Variants in SLC9A1 observed in about 807,000 individuals in gnomAD.
SLC9A1 encodes the protein solute carrier family 9 member A1.
In SLC9A1, 22 loss-of-function variants were observed where a neutral mutation model predicts 67.9. The observed-to-expected ratio is 0.32, with a 90% CI of 0.23 to 0.46. SLC9A1 has a LOEUF of 0.46. SLC9A1 is among the 20% of genes least tolerant of loss of function. The probability of loss-of-function intolerance (pLI) is 1.00; values close to 1 mark genes in which losing one functional copy is unlikely to be tolerated. For missense variants in SLC9A1, 686 were observed against 1,094.8 expected (o/e 0.63, Z 5.27); for synonymous variants, 421 against 471.8 (o/e 0.89, Z 1.40).
chr1:27,114,222 C>T lies in SLC9A1; in HGVS notation c.417G>A (p.Gly139=). Residue 139 remains glycine (G), a synonymous_variant, in exon 2 of 12, where the codon GGG becomes GGA. Transcript: ENST00000263980. This position sits in a 1 kb window ranked among gnomAD's most constrained non-coding sequence, Gnocchi z 5.4. Reference sequence around the variant, plus strand: ...CCTTGATCAGGCCCCCCACCAGCAGCCCCACCACGATCAGCAGGCAGCTCT... The same window carrying T: ...CCTTGATCAGGCCCCCCACCAGCAGTCCCACCACGATCAGCAGGCAGCTCT... The part of the protein sequence containing the change: ...VPESCLLIVV[G]LLVGGLIKGV... The T allele has an allele frequency of 6.2e-7, 1 of 1,614,014 alleles. No homozygotes were observed. Among genetic ancestry groups the T allele is most frequent in the Non-Finnish European group, 8.5e-7 (1 of 1,179,914 alleles).
chr1:27,135,143 GAGCTCA>G (rs367692270), intron 1 of SLC9A1, among the ~76,000 whole-genome samples: 63 of 151,170 alleles, frequency 4.2e-4, no homozygotes, highest in African/African-American at 1.4e-3. Flanking sequence ...TCGACCTCTT[GAGCTCA>G]AGCAATCCTC....
At chr1:27,120,143 TTTTGTTTTGG>T (rs2083295471) in intron 1 of SLC9A1, among the ~76,000 whole-genome samples, 2 of 151,612 alleles carry the variant, frequency 1.3e-5, no homozygotes, top group South Asian at 4.2e-4. Flanking sequence ...TTTTGTTTTG[TTTTGTTTTGG>T]GGGGGCGGAG....
intron 1 of SLC9A1, among the ~76,000 whole-genome samples, chr1:27,129,748 G>A (rs2083372277): frequency 6.6e-6 from 1 of 152,154 alleles, no homozygotes; most frequent in Non-Finnish European, 1.5e-5. Flanking sequence ...TCCTTGCTTG[G>A]AACATGGTGC....
At chr1:27,149,057 A>G (rs1198770323) in intron 1 of SLC9A1, among the ~76,000 whole-genome samples, 1 of 152,130 alleles carries the variant, frequency 6.6e-6, no homozygotes, top group Non-Finnish European at 1.5e-5. Context: ...ATCCAAGAAG[A>G]CTCACAAAAA....
intron 1 of SLC9A1, among the ~76,000 whole-genome samples, chr1:27,125,538 G>A (rs1040351764): frequency 6.6e-6 from 1 of 151,252 alleles, no homozygotes; most frequent in East Asian, 1.9e-4. Flanking sequence ...GAGCCACTGC[G>A]CCCAGCCCAC....
At chr1:27,138,316 C>T (rs2083432449) in intron 1 of SLC9A1, among the ~76,000 whole-genome samples, 1 of 152,258 alleles carries the variant, frequency 6.6e-6, no homozygotes, top group Non-Finnish European at 1.5e-5. Context: ...TCAGCTCAGA[C>T]ACCAGCTCCT....
chr1:27,139,475 G>A (rs982571667), intron 1 of SLC9A1, among the ~76,000 whole-genome samples: 5 of 152,210 alleles, frequency 3.3e-5, no homozygotes, highest in Non-Finnish European at 7.3e-5. Context: ...AGTGCAGAAG[G>A]CAATGATGCA....
At chr1:27,113,489 G>A (rs980648522) in intron 2 of SLC9A1, among the ~76,000 whole-genome samples, 15 of 152,088 alleles carry the variant, frequency 9.9e-5, no homozygotes, top group African/African-American at 3.6e-4. Flanking sequence ...GTCAAGGAGG[G>A]AGCATATAAC....
At position 27,119,949 on chromosome 1, in the gene SLC9A1, T is replaced by C. The variant is rs373824203; in HGVS notation, c.353-5663A>G. Among the ~76,000 whole-genome samples the C allele has an allele frequency of 5.3e-5, 8 of 152,092 alleles. No homozygotes were observed. The East Asian group carries it at 1.2e-3, about 22-fold the overall frequency. ...TAAAGACTTCATGAAATCCTTCCTA[T>C]CTTCAAAGGCTGCCCTCTCCAGGAA... On this transcript the variant is annotated intron_variant, in intron 1 of 11. Transcript: ENST00000263980.
chr1:27,138,213 C>T (rs766475739), intron 1 of SLC9A1, among the ~76,000 whole-genome samples: 6 of 152,338 alleles, frequency 3.9e-5, no homozygotes, highest in Non-Finnish European at 8.8e-5. Flanking sequence ...TCACACCATG[C>T]TTCCCCTCTT....
Position 27,109,627 on chromosome 1 carries a change from ATCGGGAGGTGAAGGC to A in SLC9A1, c.949_963del (p.Ala317_Arg321del). On this transcript the variant is annotated inframe_deletion, in exon 3 of 12. Transcript: ENST00000263980. The surrounding 1 kb of genome is among the most constrained non-coding windows in gnomAD (Gnocchi z 5.5). ...TCGATGACCCGGATGTGGGAGGTAA[ATCGGGAGGTGAAGGC>A]TGCGATGACCCCGTAGACCACGCCC... The A allele has an allele frequency of 6.2e-7, 1 of 1,613,858 alleles. No homozygotes were observed. Among genetic ancestry groups the A allele is most frequent in the Non-Finnish European group, 8.5e-7 (1 of 1,179,978 alleles).
intron 2 of SLC9A1, among the ~76,000 whole-genome samples, chr1:27,112,815 C>T (rs929664263): frequency 3.7e-5 from 5 of 135,504 alleles, no homozygotes; most frequent in East Asian, 2.3e-4. Context: ...ACCTGGGAGG[C>T]GGAGGTTGCA....
chr1:27,100,046 T>C lies in SLC9A1; in HGVS notation c.*261A>G. ...AGTCCAGGTCCGGGAGAAGCCTGGA[T>C]CTAGGGAGGGGCAGGGCCGGCCTCA... is the stretch of plus-strand genomic sequence containing the variant. On this transcript the variant is annotated 3_prime_UTR_variant, in exon 12 of 12. Coordinates refer to ENST00000263980, the MANE Select transcript of SLC9A1 (RefSeq NM_003047.5). The surrounding 1 kb of genome is among the most constrained non-coding windows in gnomAD (Gnocchi z 5.6). 2.4e-6 allele frequency: 1 copy of C among 412,754 alleles called. No homozygotes were observed. The highest frequency in any genetic ancestry group is 4.3e-6 in the Non-Finnish European group (1 of 233,274). 25.6% of individuals were successfully genotyped at this position (412,754 alleles called of 1,614,324 possible).
rs374392829 is a variant in SLC9A1, at chr1:27,116,930, AC to A, written c.353-2645del. ...CTCTAGAAATCATTCCTCTACCTCT[AC>A]CCCCACCATATGTGGCTGACACCAT... On this transcript the variant is annotated intron_variant, in intron 1 of 11. Coordinates refer to ENST00000263980, the MANE Select transcript of SLC9A1 (RefSeq NM_003047.5). Among the ~76,000 whole-genome samples, 68 of 150,988 alleles carry A rather than the reference AC, an allele frequency of 4.5e-4. 2 individuals are homozygous for A. The South Asian group carries it at 0.014, about 30-fold the overall frequency.
chr1:27,111,535 C>T (rs2083227857), intron 2 of SLC9A1, among the ~76,000 whole-genome samples: 1 of 152,168 alleles, frequency 6.6e-6, no homozygotes, highest in Admixed American at 6.5e-5. Flanking sequence ...GTGGCTCACG[C>T]CTGTAATCTC....
chr1:27,152,777 C>A (rs1410144337), intron 1 of SLC9A1, among the ~76,000 whole-genome samples: 8 of 152,144 alleles, frequency 5.3e-5, no homozygotes, highest in Non-Finnish European at 1.0e-4. Context: ...CACTTCCCTC[C>A]CGCTGCATGT....
intron 1 of SLC9A1, among the ~76,000 whole-genome samples, chr1:27,126,425 C>T (rs773657481): frequency 4.6e-5 from 7 of 152,202 alleles, no homozygotes; most frequent in East Asian, 1.9e-4. Flanking sequence ...GGGCGAACCA[C>T]AAGATGTTGT....
At position 27,155,092 on chromosome 1, in the gene SLC9A1, C is replaced by A. The variant is rs920059015; in HGVS notation, c.-758G>T. Among the ~76,000 whole-genome samples the A allele has an allele frequency of 4.6e-5, 7 of 152,078 alleles. No homozygotes were observed. The highest frequency in any genetic ancestry group is 1.5e-5 in the Non-Finnish European group (1 of 67,986). ...AGCTCCTCCTGGTCCAGCTCCAGAA[C>A]TAACCCTAGCCCCGGCCCCGGCGGC... On this transcript the variant is annotated 5_prime_UTR_variant, in exon 1 of 12. Coordinates refer to ENST00000263980, the MANE Select transcript of SLC9A1 (RefSeq NM_003047.5). This position sits in a 1 kb window ranked among gnomAD's most constrained non-coding sequence, Gnocchi z 4.5.
rs759289316 is a variant in SLC9A1 at position 27,100,696 on chromosome 1, AGCACGTGCCACTCGGCC to A, written c.2111-69_2111-53del. ...TGGGTTCCGCTCTGGAGCCCGGCCC[AGCACGTGCCACTCGGCC>A]GCGTCAGTGCCTCCTTCAGGCCTTC... is the stretch of plus-strand genomic sequence containing the variant. On this transcript the variant is annotated intron_variant, in intron 11 of 11. Transcript: ENST00000263980. The surrounding 1 kb of genome is among the most constrained non-coding windows in gnomAD (Gnocchi z 5.6). 6.8e-7 allele frequency: 1 copy of A among 1,471,578 alleles called. No homozygotes were observed. The highest frequency in any genetic ancestry group is 1.3e-5 in the South Asian group (1 of 78,516). 91.2% of individuals were successfully genotyped at this position (1,471,578 alleles called of 1,614,324 possible). A position where few individuals can be genotyped will look rare whatever the true frequency, so the allele number is the denominator to read the frequency against.
Sources: gnomAD v4.1 joint callset for allele counts (sites outside exome capture counted in the v4.1 genomes callset) on GRCh38, gnomAD v4.1.1 for gene constraint, Gnocchi (gnomAD v3.1) non-coding constraint, MANE v1.5 for transcripts, NCBI Gene and HGNC (gene_info 2026-07-23, HGNC 2026-07-21) for gene names.